FSHR: variants seen among roughly 807,000 people sequenced by gnomAD.
FSHR encodes the protein follicle-stimulating hormone receptor.
FSHR carries 46 observed loss-of-function variants against 52.1 expected under a neutral mutation model. The observed-to-expected ratio is 0.88, with a 90% confidence interval of 0.70 to 1.13. The LOEUF (loss-of-function observed/expected upper bound fraction) is 1.13, where lower values mean the gene tolerates loss of function less well. Ranked by LOEUF, FSHR falls within the 50% of genes most tolerant of loss-of-function variation. FSHR has a pLI of 0.00. For synonymous variants in FSHR, 399 were observed against 309.6 expected (o/e 1.29, Z -3.03); for missense variants, 964 against 834.6 (o/e 1.16, Z -1.91).
At chr2:49,098,556 A>G (rs148626499) in intron 1 of FSHR, among the ~76,000 whole-genome samples, 1 of 151,954 alleles carries the variant, frequency 6.6e-6, no homozygotes, top group African/African-American at 2.4e-5. Context: ...CTTCAGTGAA[A>G]GATAGGTACC....
chr2:49,050,971 T>A lies in FSHR; in HGVS notation c.224+17248A>T, dbSNP rs546928601. 2.0e-5 allele frequency among the ~76,000 whole-genome samples: 3 copies of A among 152,290 alleles called. No homozygotes were observed. In the South Asian group the frequency reaches 6.2e-4, roughly 32 times the overall value. ...ATTTTCTTCTTTTTTGAGGTTCATA[T>A]AAATAGAATCATATGGTATACCTTC... On this transcript the variant is annotated intron_variant, in intron 2 of 9. Transcript: ENST00000406846.
intron 1 of FSHR, among the ~76,000 whole-genome samples, chr2:49,090,874 T>C (rs1189479629): frequency 6.6e-6 from 1 of 152,204 alleles, no homozygotes; most frequent in Non-Finnish European, 1.5e-5. Context: ...TCCTTAGTGC[T>C]GAGCATGTTT....
chr2:49,008,541 C>A (rs1008976509), intron 4 of FSHR, among the ~76,000 whole-genome samples: 1 of 151,668 alleles, frequency 6.6e-6, no homozygotes, highest in Admixed American at 6.6e-5. Context: ...GGTATATACC[C>A]AGTAATGGGA....
chr2:49,044,760 G>GCCC (rs1431234397), intron 2 of FSHR, among the ~76,000 whole-genome samples: 1 of 151,626 alleles, frequency 6.6e-6, no homozygotes. Flanking sequence ...GTGCTAACTT[G>GCCC]CCCTGCACTT....
chr2:49,125,873 G>A (rs1337721900), intron 1 of FSHR, among the ~76,000 whole-genome samples: 1 of 152,204 alleles, frequency 6.6e-6, no homozygotes, highest in Non-Finnish European at 1.5e-5. Context: ...CTAAAGACTA[G>A]GAAACTGTGG....
At chr2:49,037,189 C>T (rs1668298692) in intron 2 of FSHR, among the ~76,000 whole-genome samples, 1 of 152,176 alleles carries the variant, frequency 6.6e-6, no homozygotes, top group African/African-American at 2.4e-5. Context: ...AAACAGTCAC[C>T]TGCAAATATT....
intron 2 of FSHR, among the ~76,000 whole-genome samples, chr2:49,025,364 C>G (rs1223567754): frequency 2.0e-5 from 3 of 152,126 alleles, no homozygotes; most frequent in Non-Finnish European, 4.4e-5. Context: ...CTTTCCTTAA[C>G]TGGTGCTATC....
chr2:49,079,342 A>T (rs1670075067), intron 1 of FSHR, among the ~76,000 whole-genome samples: 2 of 152,030 alleles, frequency 1.3e-5, no homozygotes, highest in African/African-American at 4.8e-5. Flanking sequence ...ACCCATCTAA[A>T]GCACAGTTGT....
intron 1 of FSHR, among the ~76,000 whole-genome samples, chr2:49,077,800 C>T (rs1670002217): frequency 6.6e-6 from 1 of 152,188 alleles, no homozygotes; most frequent in Non-Finnish European, 1.5e-5. Context: ...GGGCAAAATG[C>T]CACCAGTCTT....
intron 2 of FSHR, among the ~76,000 whole-genome samples, chr2:49,048,886 C>A (rs1279869838): frequency 6.6e-6 from 1 of 152,060 alleles, no homozygotes; most frequent in Non-Finnish European, 1.5e-5. Flanking sequence ...GGTGGACAGG[C>A]AAGAGGGTCC....
intron 6 of FSHR, among the ~76,000 whole-genome samples, chr2:48,984,694 G>T (rs563446236): frequency 6.6e-6 from 1 of 152,076 alleles, no homozygotes; most frequent in South Asian, 2.1e-4. Flanking sequence ...CTTAGCTCAT[G>T]AGCTGGATTT....
chr2:49,148,879 A>G (rs1232005281), intron 1 of FSHR, among the ~76,000 whole-genome samples: 6 of 152,120 alleles, frequency 3.9e-5, no homozygotes, highest in African/African-American at 1.4e-4. Flanking sequence ...AAGATGAGCT[A>G]TTGAATGTTT....
chr2:49,020,508 T>C (rs567198359), intron 2 of FSHR, among the ~76,000 whole-genome samples: 15 of 40,464 alleles, frequency 3.7e-4, no homozygotes, highest in African/African-American at 9.7e-4. Flanking sequence ...TCAGTAAACA[T>C]TTTTTTTTTT....
intron 1 of FSHR, among the ~76,000 whole-genome samples, chr2:49,088,542 C>T (rs1373960399): frequency 1.3e-5 from 2 of 152,276 alleles, no homozygotes; most frequent in Admixed American, 6.5e-5. Flanking sequence ...AAACAGAATT[C>T]GACTTTAATG....
chr2:49,130,079 A>C (rs946684184), intron 1 of FSHR, among the ~76,000 whole-genome samples: 5 of 152,164 alleles, frequency 3.3e-5, no homozygotes, highest in Non-Finnish European at 7.3e-5. Flanking sequence ...TTGAGATCTT[A>C]CTTCCTGGGT....
chr2:48,999,374 G>C (rs1676158695), intron 4 of FSHR, among the ~76,000 whole-genome samples: 1 of 152,078 alleles, frequency 6.6e-6, no homozygotes, highest in African/African-American at 2.4e-5. Flanking sequence ...ATAAGGAGAA[G>C]CACAGCTAGA....
intron 4 of FSHR, among the ~76,000 whole-genome samples, chr2:48,998,797 T>G (rs1256745388): frequency 6.6e-6 from 1 of 152,074 alleles, no homozygotes; most frequent in African/African-American, 2.4e-5. Context: ...ATGAAAATGC[T>G]TTCTCAAAAT....
intron 2 of FSHR, among the ~76,000 whole-genome samples, chr2:49,039,372 A>G (rs965869153): frequency 2.0e-5 from 3 of 152,190 alleles, no homozygotes; most frequent in African/African-American, 7.2e-5. Context: ...TATAATGACA[A>G]CATATCACAG....
intron 1 of FSHR, among the ~76,000 whole-genome samples, chr2:49,070,396 C>T (rs963806879): frequency 6.6e-6 from 1 of 151,966 alleles, no homozygotes; most frequent in African/African-American, 2.4e-5. Context: ...AGCTCAACAC[C>T]CTACCTTAAT....
Sources: allele counts gnomAD v4.1 joint callset (sites outside exome capture counted in the v4.1 genomes callset), GRCh38; gene constraint gnomAD v4.1.1; transcripts MANE v1.5; gene names NCBI Gene and HGNC (gene_info 2026-07-23, HGNC 2026-07-21).